The following DAB1 variants were observed in gnomAD, a reference collection of about 807,000 sequenced individuals.
DAB1 encodes the protein disabled homolog 1.
A neutral mutation model predicts 64.6 loss-of-function variants in DAB1; 15 were observed. The ratio of observed to expected loss-of-function variants is 0.23; its 90% CI spans 0.16 to 0.36. DAB1 has a LOEUF of 0.36. Among genes scored for constraint, DAB1 ranks in the 10% least tolerant of loss-of-function variants. The probability of loss-of-function intolerance (pLI) is 1.00; values close to 1 mark genes in which losing one functional copy is unlikely to be tolerated. For synonymous variants in DAB1, 235 were observed against 251.9 expected (o/e 0.93, Z 0.64); for missense variants, 596 against 706.7 (o/e 0.84, Z 1.78).
chr1:57,180,584 C>T lies in DAB1; in HGVS notation c.68-35155G>A, dbSNP rs367590478. On this transcript the variant is annotated intron_variant, in intron 2 of 14. Transcript: ENST00000371236. ...AAATCATCTGGCCTAAGATAGTCTT[C>T]TACTAGCTTTGTTCCTAGATAACAA... 3.2e-4 allele frequency among the ~76,000 whole-genome samples: 49 copies of T among 152,212 alleles called. 1 individual carries two copies. The South Asian group carries it at 8.1e-3, about 25-fold the overall frequency.
chr1:57,314,204 A>C (rs1674987041), intron 1 of DAB1, among the ~76,000 whole-genome samples: 2 of 152,270 alleles, frequency 1.3e-5, no homozygotes, highest in Admixed American at 6.5e-5. Context: ...GGTTGTTCTC[A>C]ATAGATACAC....
intron 5 of DAB1, among the ~76,000 whole-genome samples, chr1:58,125,771 T>C (rs1196791967): frequency 1.3e-5 from 2 of 152,128 alleles, no homozygotes; most frequent in African/African-American, 4.8e-5. Flanking sequence ...TTATGGGACA[T>C]TTAAATGCAT....
chr1:57,225,722 T>G (rs1001962331), intron 2 of DAB1, among the ~76,000 whole-genome samples: 1 of 152,212 alleles, frequency 6.6e-6, no homozygotes, highest in Admixed American at 6.5e-5. Flanking sequence ...TAATTGATAG[T>G]TAATTCAAGT....
intron 3 of DAB1, among the ~76,000 whole-genome samples, chr1:58,463,243 G>A (rs547258313): frequency 6.6e-6 from 1 of 152,334 alleles, no homozygotes; most frequent in South Asian, 2.1e-4. Context: ...TCCCCACTGA[G>A]AGCAGAGAGC....
chr1:57,178,998 T>C (rs1008540677), intron 2 of DAB1, among the ~76,000 whole-genome samples: 1 of 152,142 alleles, frequency 6.6e-6, no homozygotes, highest in Non-Finnish European at 1.5e-5. Context: ...GCTTTTCATA[T>C]AGGAGAAGTA....
Position 56,995,666 on chromosome 1 carries a change from T to C in DAB1, c.*2478A>G, listed in dbSNP as rs1284756455. Reference sequence around the variant, plus strand: ...GAAGCAACCCAAAGAATTGGTATAATGGTGTGATACTGCAAGACAAACTCA... The same window carrying C: ...GAAGCAACCCAAAGAATTGGTATAACGGTGTGATACTGCAAGACAAACTCA... On this transcript the variant is annotated 3_prime_UTR_variant, in exon 15 of 15. Coordinates refer to ENST00000371236, the MANE Select transcript of DAB1 (RefSeq NM_001365792.1). 6.6e-6 allele frequency: 1 copy of C among 152,192 alleles called. No individual in the cohort carries two copies. The highest frequency in any genetic ancestry group is 1.5e-5 in the Non-Finnish European group (1 of 68,040). The allele number at this position is 152,192 out of a possible 1,614,324, so 9.4% of individuals were successfully genotyped here. A position where few individuals can be genotyped will look rare whatever the true frequency, so the allele number is the denominator to read the frequency against.
intron 7 of DAB1, among the ~76,000 whole-genome samples, chr1:57,449,802 T>C (rs1686284383): frequency 6.6e-6 from 1 of 152,232 alleles, no homozygotes; most frequent in South Asian, 2.1e-4. Flanking sequence ...GAATATGTCA[T>C]TTTGTGTCTA....
At chr1:57,182,860 C>T (rs1663124144) in intron 2 of DAB1, among the ~76,000 whole-genome samples, 1 of 151,818 alleles carries the variant, frequency 6.6e-6, no homozygotes, top group African/African-American at 2.4e-5. Context: ...GCTGTGCTGT[C>T]TAATATGTGA....
intron 5 of DAB1, among the ~76,000 whole-genome samples, chr1:58,011,662 G>T (rs180849675): frequency 1.3e-5 from 2 of 151,250 alleles, no homozygotes; most frequent in Non-Finnish European, 2.9e-5. Flanking sequence ...CTTCATTTTC[G>T]TCCCCTTCCT....
At chr1:57,307,297 A>G (rs1674268613) in intron 1 of DAB1, 1 of 152,184 alleles carries the variant, frequency 6.6e-6, no homozygotes, top group African/African-American at 2.4e-5. Context: ...TGAGTCCAAG[A>G]TCTCTTCTGT....
intron 7 of DAB1, among the ~76,000 whole-genome samples, chr1:57,530,552 G>A (rs958653451): frequency 3.3e-5 from 5 of 152,108 alleles, no homozygotes; most frequent in Non-Finnish European, 7.4e-5. Flanking sequence ...TTTATGGAGA[G>A]CCATCCAGTT....
chr1:58,190,502 G>T (rs1047056225), intron 4 of DAB1, among the ~76,000 whole-genome samples: 3 of 152,116 alleles, frequency 2.0e-5, no homozygotes, highest in Non-Finnish European at 4.4e-5. Flanking sequence ...TTGGCCACGG[G>T]TTCTCTCTTT....
chr1:57,620,543 A>G (rs1369836669), intron 7 of DAB1, among the ~76,000 whole-genome samples: 1 of 152,260 alleles, frequency 6.6e-6, no homozygotes, highest in Non-Finnish European at 1.5e-5. Flanking sequence ...ACCCGCAGAT[A>G]CAACTATCAG....
chr1:57,810,685 T>C (rs1481724777), intron 6 of DAB1, among the ~76,000 whole-genome samples: 1 of 152,134 alleles, frequency 6.6e-6, no homozygotes, highest in African/African-American at 2.4e-5. Flanking sequence ...AATACCAAGA[T>C]ATGTTACCTC....
chr1:57,656,308 A>C (rs1213227754), intron 6 of DAB1, among the ~76,000 whole-genome samples: 1 of 152,086 alleles, frequency 6.6e-6, no homozygotes, highest in East Asian at 1.9e-4. Flanking sequence ...CCTCAAGGAG[A>C]GGTCTGAGTA....
At chr1:57,246,535 C>A (rs541736571) in intron 2 of DAB1, among the ~76,000 whole-genome samples, 7 of 152,196 alleles carry the variant, frequency 4.6e-5, no homozygotes, top group African/African-American at 7.2e-5. Context: ...CATGAAGAAC[C>A]TAGTGCAGAG....
chr1:58,313,819 A>ATGTGTG (rs35817738), intron 4 of DAB1, among the ~76,000 whole-genome samples: 12,702 of 119,300 alleles, frequency 0.11, 754 homozygotes, highest in Middle Eastern at 0.16. Context: ...TTGTATCTTC[A>ATGTGTG]TGTGTGTGTG....
chr1:57,891,595 C>A (rs1644315172), intron 5 of DAB1, among the ~76,000 whole-genome samples: 1 of 152,144 alleles, frequency 6.6e-6, no homozygotes, highest in Non-Finnish European at 1.5e-5. Flanking sequence ...ATAGCAAAGT[C>A]TTGGAACCAA....
intron 4 of DAB1, among the ~76,000 whole-genome samples, chr1:58,182,148 G>C (rs539266): frequency 1 from 151,920 of 152,064 alleles, 75,890 homozygotes; most frequent in Middle Eastern, 1. Context: ...AGTCAGTTGT[G>C]AATCTTATTT....
Sources: gnomAD v4.1 joint callset for allele counts (sites outside exome capture counted in the v4.1 genomes callset) on GRCh38, gnomAD v4.1.1 for gene constraint, MANE v1.5 for transcripts, NCBI Gene and HGNC (gene_info 2026-07-23, HGNC 2026-07-21) for gene names.